The following ROBO1 variants were observed in gnomAD, a reference collection of about 807,000 sequenced individuals.
The protein encoded by ROBO1 is roundabout homolog 1.
Under a neutral mutation model 195.9 loss-of-function variants are expected in ROBO1, and 149 were observed. The ratio of observed to expected loss-of-function variants is 0.76; its 90% CI spans 0.67 to 0.87. The LOEUF (loss-of-function observed/expected upper bound fraction) is 0.87, where lower values mean the gene tolerates loss of function less well. Ranked by LOEUF, ROBO1 falls within the 40% of genes least tolerant of loss-of-function variation. The pLI, the probability that ROBO1 is intolerant of heterozygous loss-of-function variation, is 0.00. For missense variants in ROBO1, 1,933 were observed against 2,068.3 expected (o/e 0.93, Z 1.27); for synonymous variants, 816 against 733.2 (o/e 1.11, Z -1.82).
chr3:79,363,810 C>T (rs1282121215), intron 2 of ROBO1, among the ~76,000 whole-genome samples: 2 of 152,098 alleles, frequency 1.3e-5, no homozygotes, highest in Admixed American at 6.6e-5. Flanking sequence ...AATTTGAAAG[C>T]CTCAGTATCA....
chr3:78,917,248 C>T (rs1162739562), intron 4 of ROBO1, among the ~76,000 whole-genome samples: 2 of 151,870 alleles, frequency 1.3e-5, no homozygotes, highest in African/African-American at 4.8e-5. Context: ...AGGTGCCCGC[C>T]ACCACACCCA....
chr3:79,086,029 G>A (rs922909293), intron 3 of ROBO1, among the ~76,000 whole-genome samples: 1 of 151,932 alleles, frequency 6.6e-6, no homozygotes, highest in Non-Finnish European at 1.5e-5. Flanking sequence ...GCCAGCTAAT[G>A]CGATAGACAT....
chr3:79,556,582 C>G (rs140091587), intron 2 of ROBO1, among the ~76,000 whole-genome samples: 14 of 152,098 alleles, frequency 9.2e-5, no homozygotes, highest in African/African-American at 3.4e-4. Flanking sequence ...CTGTATTCAT[C>G]TACTTATTCA....
At chr3:79,113,636 G>A (rs2079934545) in intron 3 of ROBO1, among the ~76,000 whole-genome samples, 1 of 152,008 alleles carries the variant, frequency 6.6e-6, no homozygotes, top group Admixed American at 6.6e-5. Context: ...GCACAGTGAT[G>A]CAAGCCTGTA....
chr3:79,074,438 T>C (rs1237909622), intron 3 of ROBO1, among the ~76,000 whole-genome samples: 1 of 151,886 alleles, frequency 6.6e-6, no homozygotes, highest in Admixed American at 6.6e-5. Flanking sequence ...TATTTGTTTG[T>C]TTTTGAGATG....
rs1255825767 is a variant in ROBO1, at chr3:78,607,104, TG to T, written c.4436-64del. ...GCTGCTTATAAAATCATCAAACATT[TG>T]GATTATCATTGGAGCCACATTCACC... On this transcript the variant is annotated intron_variant, in intron 28 of 30. Transcript: ENST00000464233. 4 of 1,450,434 alleles carry T rather than the reference TG, an allele frequency of 2.8e-6. No individual in the cohort carries two copies. The African/African-American group carries it at 5.7e-5, about 21-fold the overall frequency. The allele number at this position is 1,450,434 out of a possible 1,614,324, so 89.8% of individuals were successfully genotyped here.
chr3:78,863,105 C>T (rs1359509210), intron 4 of ROBO1, among the ~76,000 whole-genome samples: 1 of 152,136 alleles, frequency 6.6e-6, no homozygotes, highest in Non-Finnish European at 1.5e-5. Flanking sequence ...TTACTCTGAA[C>T]CAGGCAATGT....
chr3:79,039,801 C>CAAAAA (rs1214691931), intron 3 of ROBO1, among the ~76,000 whole-genome samples: 1 of 51,314 alleles, frequency 1.9e-5, no homozygotes, highest in African/African-American at 8.5e-5. Context: ...GACTCCGTCT[C>CAAAAA]AAAAAAAAAA....
chr3:79,617,635 G>GTACAAA (rs1944867009), intron 1 of ROBO1, among the ~76,000 whole-genome samples: 2 of 151,972 alleles, frequency 1.3e-5, no homozygotes, highest in African/African-American at 4.8e-5. Flanking sequence ...ATCAGAGTAA[G>GTACAAA]AACTCTTACA....
chr3:78,971,313 C>T (rs974804923), intron 3 of ROBO1, among the ~76,000 whole-genome samples: 1 of 152,074 alleles, frequency 6.6e-6, no homozygotes, highest in African/African-American at 2.4e-5. Context: ...CACCTAAGCC[C>T]GGGAGGCGGA....
intron 2 of ROBO1, among the ~76,000 whole-genome samples, chr3:79,334,326 ATATATGTGTATATATATG>A (rs1246528396): frequency 1.4e-4 from 21 of 145,572 alleles, no homozygotes; most frequent in African/African-American, 5.0e-4. Flanking sequence ...ATATATATAT[ATATATGTGTATATATATG>A]TATATATGTA....
At chr3:79,027,824 C>T (rs1304723969) in intron 3 of ROBO1, among the ~76,000 whole-genome samples, 1 of 151,916 alleles carries the variant, frequency 6.6e-6, no homozygotes, top group Non-Finnish European at 1.5e-5. Flanking sequence ...GGTAGAATTT[C>T]ACTTGTAACA....
rs1002179372 is a variant in ROBO1 at position 78,798,172 on chromosome 3, G to T, written c.500-51272C>A. On this transcript the variant is annotated intron_variant, in intron 4 of 30. Coordinates refer to ENST00000464233, the MANE Select transcript of ROBO1 (RefSeq NM_002941.4). ...TAGTTATTTGGAGGTAAGACGTGAT[G>T]GGGACTTTTCAAGTACAGAATATAG... Among the ~76,000 whole-genome samples, 4 of 152,104 alleles carry T rather than the reference G, an allele frequency of 2.6e-5. No individual in the cohort carries two copies. The East Asian group carries it at 7.7e-4, about 29-fold the overall frequency.
chr3:79,374,213 T>C (rs1385122190), intron 2 of ROBO1, among the ~76,000 whole-genome samples: 1 of 152,170 alleles, frequency 6.6e-6, no homozygotes, highest in Non-Finnish European at 1.5e-5. Context: ...TATCACCCAA[T>C]TCCTATAACA....
At chr3:78,620,699 C>T (rs1704400743) in intron 26 of ROBO1, among the ~76,000 whole-genome samples, 1 of 151,968 alleles carries the variant, frequency 6.6e-6, no homozygotes, top group East Asian at 1.9e-4. Flanking sequence ...AATTCAATAA[C>T]TTTTTGAGTT....
chr3:78,668,282 G>C lies in ROBO1; in HGVS notation c.1651C>G (p.Pro551Ala). Residue 551 changes from proline to alanine, a missense_variant, in exon 13 of 31, where the codon CCT becomes GCT. Coordinates refer to ENST00000464233, the MANE Select transcript of ROBO1 (RefSeq NM_002941.4). ...AAATTTGGGTCAGTAGGTCTTGGAG[G>C]CTGAACTGGAACTCCAAATTCTAAA... ...EVQEFGVPVQ[P>A]PRPTDPNLIP... 1 of 1,613,156 alleles carries C rather than the reference G, an allele frequency of 6.2e-7. No individual in the cohort carries two copies. Among genetic ancestry groups the C allele is most frequent in the Non-Finnish European group, 8.5e-7 (1 of 1,179,598 alleles).
intron 2 of ROBO1, among the ~76,000 whole-genome samples, chr3:79,259,575 C>T (rs553239256): frequency 6.6e-6 from 1 of 152,048 alleles, no homozygotes; most frequent in Non-Finnish European, 1.5e-5. Context: ...CCCACCTCCC[C>T]CTATGCCCCC....
chr3:79,070,777 G>A (rs1026607899), intron 3 of ROBO1, among the ~76,000 whole-genome samples: 1 of 151,656 alleles, frequency 6.6e-6, no homozygotes, highest in Non-Finnish European at 1.5e-5. Flanking sequence ...CTTTTAAAAA[G>A]TGTTTCTCAG....
intron 1 of ROBO1, among the ~76,000 whole-genome samples, chr3:79,603,412 G>C (rs543356364): frequency 2.0e-5 from 3 of 151,964 alleles, no homozygotes; most frequent in South Asian, 2.1e-4. Flanking sequence ...TTGAACTTCT[G>C]GCTGTTGACT....
Sources: gnomAD v4.1 joint callset for allele counts (sites outside exome capture counted in the v4.1 genomes callset) on GRCh38, gnomAD v4.1.1 for gene constraint, MANE v1.5 for transcripts, NCBI Gene and HGNC (gene_info 2026-07-23, HGNC 2026-07-21) for gene names.